The following EYS variants were observed in gnomAD, a reference collection of about 807,000 sequenced individuals.
The protein encoded by EYS is protein eyes shut homolog.
Under a neutral mutation model 282.1 loss-of-function variants are expected in EYS, and 250 were observed. The ratio of observed to expected loss-of-function variants is 0.89; its 90% CI spans 0.80 to 0.98. The LOEUF is 0.98. Ranked by LOEUF, EYS falls within the 50% of genes least tolerant of loss-of-function variation. EYS has a pLI of 0.00. For missense variants in EYS, 4,016 were observed against 3,709.0 expected (o/e 1.08, Z -2.15); for synonymous variants, 1,355 against 1,282.9 (o/e 1.06, Z -1.20).
chr6:64,634,481 G>A (rs911423413), intron 22 of EYS, among the ~76,000 whole-genome samples: 1 of 149,918 alleles, frequency 6.7e-6, no homozygotes, highest in Non-Finnish European at 1.5e-5. Flanking sequence ...GCTAATACGG[G>A]CAAACTTCTG....
intron 2 of EYS, among the ~76,000 whole-genome samples, chr6:65,535,759 C>T (rs796581994): frequency 5.9e-5 from 9 of 152,198 alleles, no homozygotes; most frequent in African/African-American, 1.9e-4. Flanking sequence ...GATGCCCACC[C>T]ACATTAGGAA....
At chr6:64,253,444 C>A (rs1767287587) in intron 30 of EYS, among the ~76,000 whole-genome samples, 1 of 152,154 alleles carries the variant, frequency 6.6e-6, no homozygotes, top group Non-Finnish European at 1.5e-5. Flanking sequence ...GTTTACACAT[C>A]AGTGCTTTCT....
intron 22 of EYS, among the ~76,000 whole-genome samples, chr6:64,809,909 T>A (rs1206136201): frequency 6.6e-6 from 1 of 152,050 alleles, no homozygotes; most frequent in Non-Finnish European, 1.5e-5. Context: ...ATCCCAAGCC[T>A]CAGCATCAAG....
At chr6:65,333,538 T>C (rs182129530) in intron 11 of EYS, among the ~76,000 whole-genome samples, 2 of 151,844 alleles carry the variant, frequency 1.3e-5, no homozygotes, top group East Asian at 3.9e-4. Context: ...TTTATAGCTA[T>C]CTACTATTTC....
At chr6:64,446,899 C>A (rs2150473444) in intron 26 of EYS, among the ~76,000 whole-genome samples, 1 of 150,174 alleles carries the variant, frequency 6.7e-6, no homozygotes, top group Admixed American at 6.7e-5. Context: ...ATTTTGCAAC[C>A]AAAATGTAAA....
chr6:64,583,455 G>A (rs1313351977), intron 26 of EYS, among the ~76,000 whole-genome samples: 2 of 152,066 alleles, frequency 1.3e-5, no homozygotes, highest in African/African-American at 2.4e-5. Flanking sequence ...GGTGACTGGT[G>A]CCTGTCACAA....
intron 13 of EYS, among the ~76,000 whole-genome samples, chr6:65,014,088 C>T (rs1379819027): frequency 6.6e-6 from 1 of 152,086 alleles, no homozygotes; most frequent in East Asian, 1.9e-4. Context: ...CAAATGAAAG[C>T]TGTGTTTTAT....
rs1442082011 is a variant in EYS, at chr6:64,576,393, A to G, written c.5644+13830T>C. Among the ~76,000 whole-genome samples, 13 of 152,220 alleles carry G rather than the reference A, an allele frequency of 8.5e-5. No individual in the cohort carries two copies. The East Asian group carries it at 2.3e-3, about 27-fold the overall frequency. ...AACGTTAAAGAAGTGAAGTGACTTT[A>G]AAAGTCCTAAGTATTCTTCAGATGA... On this transcript the variant is annotated intron_variant, in intron 26 of 42. Coordinates refer to ENST00000503581, the MANE Select transcript of EYS (RefSeq NM_001142800.2).
chr6:64,790,671 A>C (rs905235998), intron 22 of EYS, among the ~76,000 whole-genome samples: 1 of 151,880 alleles, frequency 6.6e-6, no homozygotes, highest in Admixed American at 6.6e-5. Flanking sequence ...CATTAAGGCC[A>C]AATGTAGACA....
chr6:65,156,220 A>C (rs549186891), intron 12 of EYS, among the ~76,000 whole-genome samples: 5 of 151,326 alleles, frequency 3.3e-5, no homozygotes, highest in Admixed American at 2.6e-4. Context: ...CTCCCTTGGA[A>C]TTATAGTGTA....
chr6:64,831,268 G>T (rs35364631), intron 19 of EYS, among the ~76,000 whole-genome samples: 5,756 of 152,036 alleles, frequency 0.038, 127 homozygotes, highest in Middle Eastern at 0.092. Flanking sequence ...AATGTTGAAA[G>T]TGTATGAAGT....
At chr6:65,246,807 A>C (rs1392473205) in intron 12 of EYS, among the ~76,000 whole-genome samples, 3 of 152,080 alleles carry the variant, frequency 2.0e-5, no homozygotes, top group Non-Finnish European at 4.4e-5. Flanking sequence ...CAGATAATCC[A>C]TTTGCAGGCC....
chr6:63,906,873 G>A (rs1232431872), intron 35 of EYS, among the ~76,000 whole-genome samples: 1 of 151,374 alleles, frequency 6.6e-6, no homozygotes, highest in Non-Finnish European at 1.5e-5. Context: ...TGATCATATT[G>A]AAATATCTTG....
At chr6:64,822,871 C>A (rs561958565) in intron 19 of EYS, 49 bp from the exon 20 acceptor site, 6 of 1,474,708 alleles carry the variant, frequency 4.1e-6, no homozygotes, top group Non-Finnish European at 4.6e-6. Flanking sequence ...AAATACAAAA[C>A]TCTTAAAAGT....
chr6:65,468,487 T>C (rs1765088387), intron 5 of EYS, among the ~76,000 whole-genome samples: 1 of 152,038 alleles, frequency 6.6e-6, no homozygotes, highest in African/African-American at 2.4e-5. Context: ...TTAAAGTTAT[T>C]TATTTATTTA....
intron 35 of EYS, among the ~76,000 whole-genome samples, chr6:63,941,935 A>G (rs965139736): frequency 1.3e-5 from 2 of 152,194 alleles, no homozygotes; most frequent in African/African-American, 4.8e-5. Flanking sequence ...AGTACCATAC[A>G]TGTAAGGAAC....
chr6:63,975,495 C>T (rs1254192609), intron 35 of EYS, among the ~76,000 whole-genome samples: 1 of 152,008 alleles, frequency 6.6e-6, no homozygotes, highest in East Asian at 1.9e-4. Flanking sequence ...TGATGCGTTA[C>T]TTTTTGTTTA....
intron 19 of EYS, among the ~76,000 whole-genome samples, chr6:64,869,761 G>C (rs1421947775): frequency 4.0e-5 from 6 of 151,586 alleles, no homozygotes. Context: ...GATTATAAAA[G>C]ATCTTGAGAA....
chr6:63,825,791 G>T, intron 36 of EYS, among the ~76,000 whole-genome samples: 1 of 152,140 alleles, frequency 6.6e-6, no homozygotes, highest in East Asian at 1.9e-4. Flanking sequence ...ACCCAAATGA[G>T]AAGGAACCAG....
Sources: allele counts gnomAD v4.1 joint callset (sites outside exome capture counted in the v4.1 genomes callset), GRCh38; gene constraint gnomAD v4.1.1; transcripts MANE v1.5; gene names NCBI Gene and HGNC (gene_info 2026-07-23, HGNC 2026-07-21).